The following OCA2 variants were observed in gnomAD, a reference collection of about 807,000 sequenced individuals.
OCA2 encodes OCA2 melanosomal transmembrane protein.
In OCA2, 77 loss-of-function variants were observed where a neutral mutation model predicts 100.2. The observed-to-expected ratio is 0.77, with a 90% CI of 0.64 to 0.93. The LOEUF is 0.93. Among genes scored for constraint, OCA2 ranks in the 40% least tolerant of loss-of-function variants. The probability of loss-of-function intolerance (pLI) is 0.00; values close to 1 mark genes in which losing one functional copy is unlikely to be tolerated. For missense variants in OCA2, 1,062 were observed against 1,089.1 expected, an observed-to-expected ratio of 0.98 and a Z score of 0.35; for synonymous variants, 432 against 439.2, an observed-to-expected ratio of 0.98 and a Z score of 0.21.
the OCA2 span, among the ~76,000 whole-genome samples, chr15:27,722,634 T>C: frequency 6.8e-6 from 1 of 147,808 alleles, no homozygotes; most frequent in Non-Finnish European, 1.5e-5. Flanking sequence ...CCTTCCTTCC[T>C]TTCCTTCCTT....
chr15:27,959,953 G>A (rs992596128), intron 15 of OCA2, among the ~76,000 whole-genome samples: 1 of 152,164 alleles, frequency 6.6e-6, no homozygotes, highest in Admixed American at 6.5e-5. Flanking sequence ...TGCCCAGAAG[G>A]GTTCACCCAG....
chr15:28,044,329 A>G (rs762245154), intron 2 of OCA2, among the ~76,000 whole-genome samples: 43 of 152,100 alleles, frequency 2.8e-4, no homozygotes, highest in Admixed American at 6.5e-4. Context: ...TCCTAGGTAG[A>G]CTCTGCCAGT....
At chr15:27,743,968 T>G in the OCA2 span, among the ~76,000 whole-genome samples, 7 of 152,146 alleles carry the variant, frequency 4.6e-5, no homozygotes, top group African/African-American at 1.7e-4. Context: ...TGCTTCCCTG[T>G]AACCCATATC....
At chr15:28,062,743 G>T (rs11857679) in intron 2 of OCA2, among the ~76,000 whole-genome samples, 23,850 of 152,116 alleles carry the variant, frequency 0.16, 3,195 homozygotes, top group African/African-American at 0.37. Context: ...ATGATGTGAA[G>T]TAGGGGTCCA....
chr15:27,778,427 C>T (rs958072674), intron 23 of OCA2, among the ~76,000 whole-genome samples: 5 of 152,132 alleles, frequency 3.3e-5, no homozygotes, highest in Middle Eastern at 3.2e-3. Flanking sequence ...GAGGTCACTC[C>T]GAGAGGAGGT....
At chr15:27,773,261 CT>C (rs1394088842) in intron 23 of OCA2, among the ~76,000 whole-genome samples, 3 of 151,564 alleles carry the variant, frequency 2.0e-5, no homozygotes, top group African/African-American at 2.4e-5. Context: ...TTTTTTATTC[CT>C]TTTTTTATTT....
At chr15:27,904,911 C>A (rs868585267) in intron 19 of OCA2, among the ~76,000 whole-genome samples, 4 of 152,304 alleles carry the variant, frequency 2.6e-5, no homozygotes, top group Non-Finnish European at 4.4e-5. Context: ...TGCCTGTAAT[C>A]CCAGCACTTT....
downstream of OCA2, among the ~76,000 whole-genome samples, chr15:27,753,050 T>C (rs920433454): frequency 6.6e-6 from 1 of 151,730 alleles, no homozygotes; most frequent in African/African-American, 2.4e-5. Flanking sequence ...CTCAGCAACA[T>C]TGAGGGGCAG....
chr15:27,974,361 T>A (rs2040898891), intron 14 of OCA2, among the ~76,000 whole-genome samples: 1 of 152,258 alleles, frequency 6.6e-6, no homozygotes, highest in Admixed American at 6.5e-5. Context: ...TCACTATTGA[T>A]AATGAGGCTT....
rs766696793 is a variant in OCA2, at chr15:27,755,101, AG to A, written c.*286del. The A allele has an allele frequency of 1.1e-4, 44 of 403,474 alleles. 1 individual carries two copies. Among genetic ancestry groups the A allele is most frequent in the South Asian group, 9.2e-4 (43 of 46,718 alleles). 25.0% of individuals were successfully genotyped at this position (403,474 alleles called of 1,614,324 possible). ...GTGTCTTTTCCTATGTATAGCAGGA[AG>A]GGTTTTTAAACATACGTATTTTTCT... On this transcript the variant is annotated 3_prime_UTR_variant, in exon 24 of 24. Transcript: ENST00000354638.
intron 8 of OCA2, 79 bp from the exon 9 acceptor site, chr15:28,015,008 A>C (rs1595822833): frequency 6.9e-7 from 1 of 1,445,002 alleles, no homozygotes; most frequent in African/African-American, 1.4e-5. Context: ...CATGGCATTA[A>C]CCAGAGTGCA....
chr15:27,776,976 G>GC (rs1215132161), intron 23 of OCA2, among the ~76,000 whole-genome samples: 3 of 141,568 alleles, frequency 2.1e-5, no homozygotes, highest in African/African-American at 8.4e-5. Flanking sequence ...GCGTGAGGTG[G>GC]GGGGGGGTGG....
chr15:27,897,168 C>A (rs561099252), intron 19 of OCA2, among the ~76,000 whole-genome samples: 1 of 147,130 alleles, frequency 6.8e-6, no homozygotes, highest in Admixed American at 6.8e-5. Flanking sequence ...CTAGCCTGGG[C>A]GACAGAGCAA....
chr15:27,801,381 A>G (rs956861381), intron 23 of OCA2, among the ~76,000 whole-genome samples: 1 of 152,044 alleles, frequency 6.6e-6, no homozygotes, highest in Non-Finnish European at 1.5e-5. Context: ...GTGAAACCCC[A>G]TCTCTACTAA....
chr15:27,929,575 A>G (rs1179772638), intron 18 of OCA2, among the ~76,000 whole-genome samples: 3 of 152,164 alleles, frequency 2.0e-5, no homozygotes, highest in Non-Finnish European at 4.4e-5. Flanking sequence ...ACCCTGAGTT[A>G]AAGGTTTTCT....
At chr15:28,086,356 G>C (rs1407967521) in intron 1 of OCA2, among the ~76,000 whole-genome samples, 1 of 152,232 alleles carries the variant, frequency 6.6e-6, no homozygotes, top group Admixed American at 6.5e-5. Flanking sequence ...GATATCAGCA[G>C]AGTCCTAGCG....
chr15:27,975,890 A>C (rs11634923), intron 14 of OCA2, among the ~76,000 whole-genome samples: 81,812 of 151,980 alleles, frequency 0.54, 25,389 homozygotes, highest in Non-Finnish European at 0.72. Context: ...ATAGCTTAAC[A>C]ATATTGAGTT....
Position 27,755,143 on chromosome 15 carries a change from G to T in OCA2, c.*245C>A. On this transcript the variant is annotated 3_prime_UTR_variant, in exon 24 of 24. Coordinates refer to ENST00000354638, the MANE Select transcript of OCA2 (RefSeq NM_000275.3). ...GTATTTTTCTGGAGGGGAATCTTGA[G>T]TAAGTTATCTCACATCTTTCTACAT... The T allele has an allele frequency of 4.2e-6, 2 of 478,158 alleles. No homozygotes were observed. Among genetic ancestry groups the T allele is most frequent in the Non-Finnish European group, 7.7e-6 (2 of 258,878 alleles). 29.6% of individuals were successfully genotyped at this position (478,158 alleles called of 1,614,324 possible).
At chr15:27,854,536 G>A (rs116383454) in intron 21 of OCA2, among the ~76,000 whole-genome samples, 2,502 of 152,282 alleles carry the variant, frequency 0.016, 74 homozygotes, top group African/African-American at 0.057. Context: ...CTGATTCTGC[G>A]TCTATCAATC....
Sources: gnomAD v4.1 joint callset for allele counts (sites outside exome capture counted in the v4.1 genomes callset) on GRCh38, gnomAD v4.1.1 for gene constraint, MANE v1.5 for transcripts, NCBI Gene and HGNC (gene_info 2026-07-23, HGNC 2026-07-21) for gene names.